The following LRRIQ3 variants were observed in gnomAD, a reference collection of about 807,000 sequenced individuals.
LRRIQ3 encodes leucine-rich repeat and IQ domain-containing protein 3.
Under a neutral mutation model 59.3 loss-of-function variants are expected in LRRIQ3, and 75 were observed. The ratio of observed to expected loss-of-function variants is 1.26; its 90% CI spans 1.05 to 1.53. The LOEUF is 1.53. LRRIQ3 is among the 40% of genes most tolerant of loss of function. The probability of loss-of-function intolerance (pLI) is 0.00; values close to 1 mark genes in which losing one functional copy is unlikely to be tolerated. For missense variants in LRRIQ3, 831 were observed against 710.0 expected (o/e 1.17, Z -1.94); for synonymous variants, 250 against 231.3 (o/e 1.08, Z -0.73).
At chr1:74,125,876 T>C (rs751905879) in intron 4 of LRRIQ3, among the ~76,000 whole-genome samples, 2 of 152,044 alleles carry the variant, frequency 1.3e-5, no homozygotes, top group African/African-American at 2.4e-5. Flanking sequence ...TAGAATGAGA[T>C]TGGAAGTATT....
At chr1:74,116,827 T>C (rs1338379181) in intron 4 of LRRIQ3, among the ~76,000 whole-genome samples, 1 of 152,030 alleles carries the variant, frequency 6.6e-6, no homozygotes, top group Non-Finnish European at 1.5e-5. Context: ...TGATAATAGG[T>C]AATATACCAT....
At position 74,113,919 on chromosome 1, in the gene LRRIQ3, AT is replaced by A. The variant is rs533861638; in HGVS notation, c.708-4367del. ...TTTCTCTTAACTAATTGAAAAAGTA[AT>A]TATATAAACATATATATATAAATCC... On this transcript the variant is annotated intron_variant, in intron 4 of 7. Transcript: ENST00000354431. 2.9e-3 allele frequency among the ~76,000 whole-genome samples: 442 copies of A among 151,826 alleles called. 5 individuals carry two copies. Among genetic ancestry groups the A allele is most frequent in the Non-Finnish European group, 8.0e-4 (54 of 67,922 alleles).
At chr1:74,055,747 T>A (rs1468915515) in intron 6 of LRRIQ3, among the ~76,000 whole-genome samples, 1 of 152,202 alleles carries the variant, frequency 6.6e-6, no homozygotes, top group East Asian at 1.9e-4. Context: ...TAGGGGTTCA[T>A]ATGGCAACTG....
At chr1:74,100,880 C>G (rs915552343) in intron 5 of LRRIQ3, among the ~76,000 whole-genome samples, 59 of 152,174 alleles carry the variant, frequency 3.9e-4, no homozygotes, top group African/African-American at 1.3e-3. Flanking sequence ...AACTGGATGC[C>G]TTCCTTACAC....
At position 74,157,254 on chromosome 1, in the gene LRRIQ3, T is replaced by C. The variant is rs114018071; in HGVS notation, c.574-1388A>G. ...AGCCATCAAGTCTGAACTCCATCAA[T>C]TAACTCCCCTCCATTCTCTGTAAAT... is the stretch of plus-strand genomic sequence containing the variant. On this transcript the variant is annotated intron_variant, in intron 3 of 7. Coordinates refer to ENST00000354431, the MANE Select transcript of LRRIQ3 (RefSeq NM_001105659.2). Among the ~76,000 whole-genome samples, 1,092 of 152,098 alleles carry C rather than the reference T, an allele frequency of 7.2e-3. 12 individuals are homozygous for C. Among genetic ancestry groups the C allele is most frequent in the African/African-American group, 0.025 (1,040 of 41,520 alleles).
intron 5 of LRRIQ3, chr1:74,078,629 G>A (rs1646236009): frequency 6.6e-6 from 1 of 151,806 alleles, no homozygotes. Flanking sequence ...GCATTTCGTT[G>A]AGAAAGAGAG....
chr1:74,184,052 AT>A (rs1203134194), intron 1 of LRRIQ3, among the ~76,000 whole-genome samples: 1 of 152,030 alleles, frequency 6.6e-6, no homozygotes, highest in Non-Finnish European at 1.5e-5. Flanking sequence ...TCGTATGATA[AT>A]TTTTGTTAAA....
intron 4 of LRRIQ3, among the ~76,000 whole-genome samples, chr1:74,128,597 G>A (rs1336379248): frequency 6.6e-6 from 1 of 151,962 alleles, no homozygotes; most frequent in Non-Finnish European, 1.5e-5. Flanking sequence ...ATTAGTCCCT[G>A]GTTCATTATT....
At chr1:74,139,161 TAC>T (rs1167432341) in intron 4 of LRRIQ3, among the ~76,000 whole-genome samples, 1 of 151,144 alleles carries the variant, frequency 6.6e-6, no homozygotes, top group African/African-American at 2.4e-5. Context: ...TGTATATATA[TAC>T]ACACATACAT....
chr1:74,100,347 C>T (rs1646512173), intron 5 of LRRIQ3, among the ~76,000 whole-genome samples: 1 of 152,092 alleles, frequency 6.6e-6, no homozygotes, highest in Non-Finnish European at 1.5e-5. Context: ...ATCCAACTTA[C>T]AAGGGATGTA....
At chr1:74,121,717 A>G (rs1016618014) in intron 4 of LRRIQ3, among the ~76,000 whole-genome samples, 62 of 145,516 alleles carry the variant, frequency 4.3e-4, no homozygotes, top group African/African-American at 1.3e-3. Context: ...ATATCTCCAA[A>G]TGCTATCCCT....
At chr1:74,187,656 G>A (rs931772952) in intron 1 of LRRIQ3, among the ~76,000 whole-genome samples, 8 of 151,924 alleles carry the variant, frequency 5.3e-5, no homozygotes, top group African/African-American at 1.7e-4. Context: ...TGGGTGACAG[G>A]TACACTCAAA....
chr1:74,070,274 C>G (rs972472560), intron 6 of LRRIQ3, among the ~76,000 whole-genome samples: 2 of 152,042 alleles, frequency 1.3e-5, no homozygotes, highest in African/African-American at 4.8e-5. Flanking sequence ...GGTACATACA[C>G]AAGATGGAAT....
chr1:74,032,942 A>G (rs1653762114), intron 7 of LRRIQ3, among the ~76,000 whole-genome samples: 1 of 152,062 alleles, frequency 6.6e-6, no homozygotes, highest in Non-Finnish European at 1.5e-5. Context: ...TGGTAAATAT[A>G]AAATATATAG....
rs991661266 is a variant in LRRIQ3, at chr1:74,143,132, G to A, written c.707+12601C>T. On this transcript the variant is annotated intron_variant, in intron 4 of 7. Transcript: ENST00000354431. ...TAGTGCAATTAAAATTATTTGAAGT[G>A]AACTTCAAATAAAATAAAGAAACAA... is the stretch of plus-strand genomic sequence containing the variant. 5.9e-5 allele frequency among the ~76,000 whole-genome samples: 9 copies of A among 151,790 alleles called. 1 individual carries two copies. The highest frequency in any genetic ancestry group is 1.9e-4 in the African/African-American group (8 of 41,342).
In LRRIQ3 at chr1:74,198,149, C is replaced by G; in HGVS notation, c.-154G>C. On this transcript the variant is annotated 5_prime_UTR_variant, in exon 1 of 8. Coordinates refer to ENST00000354431, the MANE Select transcript of LRRIQ3 (RefSeq NM_001105659.2). ...TCTCCACATCATGGTTTTCCGGGCGCCAGCCAAGGCGCTCCGGGGGCGTGG... is the reference window on the plus strand; with the variant it reads ...TCTCCACATCATGGTTTTCCGGGCGGCAGCCAAGGCGCTCCGGGGGCGTGG... 1 of 1,494,960 alleles carries G rather than the reference C, an allele frequency of 6.7e-7. No individual in the cohort carries two copies. Among genetic ancestry groups the G allele is most frequent in the South Asian group, 1.3e-5 (1 of 75,708 alleles). The allele number at this position is 1,494,960 out of a possible 1,614,324, so 92.6% of individuals were successfully genotyped here.
chr1:74,148,778 G>A (rs1647739407), intron 4 of LRRIQ3, among the ~76,000 whole-genome samples: 1 of 152,086 alleles, frequency 6.6e-6, no homozygotes, highest in Non-Finnish European at 1.5e-5. Context: ...ATGACCATGC[G>A]AGTAACACCA....
At chr1:74,162,681 T>C (rs1014619820) in intron 3 of LRRIQ3, among the ~76,000 whole-genome samples, 2 of 151,820 alleles carry the variant, frequency 1.3e-5, no homozygotes, top group African/African-American at 2.4e-5. Context: ...TAAATGCATA[T>C]TGTACTTATA....
At chr1:74,122,294 T>C (rs1296048796) in intron 4 of LRRIQ3, among the ~76,000 whole-genome samples, 2 of 152,274 alleles carry the variant, frequency 1.3e-5, no homozygotes, top group East Asian at 3.9e-4. Flanking sequence ...TGTGAGATGT[T>C]ATCTCATAGT....
Sources: allele counts gnomAD v4.1 joint callset (sites outside exome capture counted in the v4.1 genomes callset), GRCh38; gene constraint gnomAD v4.1.1; transcripts MANE v1.5; gene names NCBI Gene and HGNC (gene_info 2026-07-23, HGNC 2026-07-21).